PTPRN2: variants seen among roughly 807,000 people sequenced by gnomAD.
PTPRN2 encodes protein tyrosine phosphatase receptor type N2.
Under a neutral mutation model 118.8 loss-of-function variants are expected in PTPRN2, and 74 were observed. The observed-to-expected ratio is 0.62, with a 90% CI of 0.52 to 0.76. PTPRN2 has a LOEUF of 0.76. Among genes scored for constraint, PTPRN2 ranks in the 30% least tolerant of loss-of-function variants. The pLI is 0.00. For missense variants in PTPRN2, 1,481 were observed against 1,394.4 expected, an observed-to-expected ratio of 1.06 and a Z score of -0.99; for synonymous variants, 641 against 608.0, an observed-to-expected ratio of 1.05 and a Z score of -0.80.
Position 157,780,335 on chromosome 7 carries a change from T to C in PTPRN2, c.1789-97398A>G, listed in dbSNP as rs1046773329. On this transcript the variant is annotated intron_variant, in intron 12 of 22. Transcript: ENST00000389418. This position sits in a 1 kb window ranked among gnomAD's most constrained non-coding sequence, Gnocchi z 4.5. ...ATAGTGCACACTCTGAAGGTGAAGC[T>C]TTAGGTGACGTCGAAGCATCCAGCC... Among the ~76,000 whole-genome samples, 36 of 152,156 alleles carry C rather than the reference T, an allele frequency of 2.4e-4. No homozygotes were observed. The highest frequency in any genetic ancestry group is 2.0e-4 in the Admixed American group (3 of 15,278).
chr7:158,524,174 C>G (rs1181874139), intron 1 of PTPRN2, among the ~76,000 whole-genome samples: 8 of 58,638 alleles, frequency 1.4e-4, no homozygotes, highest in Admixed American at 1.2e-3. Context: ...GGAGTGGAGT[C>G]GTCTACCCTG....
chr7:158,567,063 G>C (rs553038899), intron 1 of PTPRN2, among the ~76,000 whole-genome samples: 6 of 152,372 alleles, frequency 3.9e-5, no homozygotes, highest in African/African-American at 1.4e-4. Context: ...CTCCAAAGGA[G>C]AAAGGATTTT....
At chr7:157,920,587 C>T (rs916555692) in intron 11 of PTPRN2, among the ~76,000 whole-genome samples, 10 of 152,306 alleles carry the variant, frequency 6.6e-5, no homozygotes, top group East Asian at 5.8e-4. Flanking sequence ...TGTGTTTTAT[C>T]AATACATTTT....
chr7:158,077,925 C>T (rs770508638), intron 11 of PTPRN2, among the ~76,000 whole-genome samples: 5 of 152,264 alleles, frequency 3.3e-5, no homozygotes, highest in African/African-American at 1.2e-4. Context: ...GGAGATTAAA[C>T]GTAGCTACCA....
Position 157,779,598 on chromosome 7 carries a change from A to G in PTPRN2, c.1789-96661T>C, listed in dbSNP as rs1372355641. 6.6e-6 allele frequency among the ~76,000 whole-genome samples: 1 copy of G among 152,124 alleles called. No homozygotes were observed. The highest frequency in any genetic ancestry group is 1.5e-5 in the Non-Finnish European group (1 of 68,028). ...TCTCCGGTGCTTGCCTTCTCTGTCT[A>G]AATAACTTGCTTCTCACCCTGCTGC... On this transcript the variant is annotated intron_variant, in intron 12 of 22. Coordinates refer to ENST00000389418, the MANE Select transcript of PTPRN2 (RefSeq NM_002847.5). The surrounding 1 kb of genome is among the most constrained non-coding windows in gnomAD (Gnocchi z 4.7).
rs1399316932 is a variant in PTPRN2, at chr7:158,438,069, T to G, written c.163+51666A>C. Among the ~76,000 whole-genome samples, 1 of 152,122 alleles carries G rather than the reference T, an allele frequency of 6.6e-6. No individual in the cohort carries two copies. Among genetic ancestry groups the G allele is most frequent in the South Asian group, 2.1e-4 (1 of 4,826 alleles). On this transcript the variant is annotated intron_variant, in intron 2 of 22. Transcript: ENST00000389418. This position sits in a 1 kb window ranked among gnomAD's most constrained non-coding sequence, Gnocchi z 4.7. Reference sequence around the variant, plus strand: ...GGAGTGGGCTCCCTAACAGTGCCCCTCCGATGGGTCTTTTTTAAGTTTTTT... The same window carrying G: ...GGAGTGGGCTCCCTAACAGTGCCCCGCCGATGGGTCTTTTTTAAGTTTTTT...
chr7:158,387,129 C>T (rs375223204), intron 2 of PTPRN2, among the ~76,000 whole-genome samples: 2 of 152,214 alleles, frequency 1.3e-5, no homozygotes, highest in South Asian at 4.1e-4. Context: ...GGACCCAGAT[C>T]CCCAGGAGGC....
intron 12 of PTPRN2, among the ~76,000 whole-genome samples, chr7:157,898,444 A>G (rs768129954): frequency 7.2e-5 from 11 of 152,200 alleles, no homozygotes; most frequent in Non-Finnish European, 1.5e-4. Flanking sequence ...TTGTGGGGAT[A>G]CTAAATCAGG....
chr7:157,799,650 G>C (rs142124116), intron 12 of PTPRN2, among the ~76,000 whole-genome samples: 1 of 152,084 alleles, frequency 6.6e-6, no homozygotes, highest in African/African-American at 2.4e-5. Flanking sequence ...AACTTTCTAA[G>C]TCACAATTTA....
intron 21 of PTPRN2, among the ~76,000 whole-genome samples, chr7:157,556,857 C>T (rs946204210): frequency 2.6e-5 from 4 of 151,214 alleles, no homozygotes; most frequent in Non-Finnish European, 4.4e-5. Context: ...TGCACACACT[C>T]ACACAACATA....
intron 10 of PTPRN2, among the ~76,000 whole-genome samples, chr7:158,083,033 T>A (rs1347947610): frequency 1.3e-5 from 2 of 152,212 alleles, no homozygotes; most frequent in Non-Finnish European, 2.9e-5. Context: ...TCATGAGTGC[T>A]GAGTTCTACC....
chr7:157,899,110 T>C (rs1232773704), intron 11 of PTPRN2, among the ~76,000 whole-genome samples: 1 of 152,260 alleles, frequency 6.6e-6, no homozygotes, highest in African/African-American at 2.4e-5. Flanking sequence ...CTGGGAAATA[T>C]GTTTCATTAA....
chr7:158,401,839 G>A (rs1322594964), intron 2 of PTPRN2, among the ~76,000 whole-genome samples: 2 of 152,162 alleles, frequency 1.3e-5, no homozygotes, highest in Non-Finnish European at 2.9e-5. Flanking sequence ...ACCAGCAGGT[G>A]CCCAGTGGAG....
chr7:158,375,333 C>T (rs1810415935), intron 2 of PTPRN2, among the ~76,000 whole-genome samples: 1 of 152,220 alleles, frequency 6.6e-6, no homozygotes, highest in African/African-American at 2.4e-5. Context: ...AGGACACAGG[C>T]ATAGTCCAGG....
At chr7:158,497,247 C>G (rs1027774579) in intron 1 of PTPRN2, among the ~76,000 whole-genome samples, 2 of 134,274 alleles carry the variant, frequency 1.5e-5, no homozygotes, top group Non-Finnish European at 3.2e-5. Flanking sequence ...CCCTGGGCTG[C>G]CAAGCAAGGG....
At position 158,166,976 on chromosome 7, in the gene PTPRN2, G is replaced by A. The variant is rs1823072758; in HGVS notation, c.865C>T (p.Pro289Ser). The A allele has an allele frequency of 1.4e-6, 2 of 1,454,644 alleles. No individual in the cohort carries two copies. The highest frequency in any genetic ancestry group is 1.9e-4 in the Middle Eastern group (1 of 5,378). 90.1% of individuals were successfully genotyped at this position (1,454,644 alleles called of 1,614,324 possible). A position where few individuals can be genotyped will look rare whatever the true frequency, so the allele number is the denominator to read the frequency against. ...TCTTCGGAATCTCCCAGAGGTGAAG[G>A]CCACTTCTGGGGGGCGGCTGGTGCC... ...LLAPAAPQKW[P>S]SPLGDSEDPS... The change falls in exon 6 of 23, where the codon CCT (proline) becomes TCT (serine). Residue 289 changes from proline to serine, a missense_variant. Pro to Ser is a moderately conservative substitution (Grantham distance 74). This residue lies in a region of PTPRN2 where 1,115 missense variants were observed against 994.2 expected (regional missense o/e 1.12). Coordinates refer to ENST00000389418, the MANE Select transcript of PTPRN2 (RefSeq NM_002847.5).
In PTPRN2 at chr7:157,785,756, T is replaced by C. The variant is rs1251709160; in HGVS notation, c.1789-102819A>G. Reference sequence around the variant, plus strand: ...GGGAGGGGAGAAGAATCGCGATCCTTTCCAGGTACACAGTCTAGCAGCTGC... The same window carrying C: ...GGGAGGGGAGAAGAATCGCGATCCTCTCCAGGTACACAGTCTAGCAGCTGC... On this transcript the variant is annotated intron_variant, in intron 12 of 22. Transcript: ENST00000389418. The surrounding 1 kb of genome is among the most constrained non-coding windows in gnomAD (Gnocchi z 7.3). Among the ~76,000 whole-genome samples the C allele has an allele frequency of 6.6e-6, 1 of 152,080 alleles. No homozygotes were observed. Among genetic ancestry groups the C allele is most frequent in the Non-Finnish European group, 1.5e-5 (1 of 68,004 alleles).
chr7:157,836,397 A>G (rs1002038803), intron 12 of PTPRN2, among the ~76,000 whole-genome samples: 3 of 152,356 alleles, frequency 2.0e-5, no homozygotes, highest in African/African-American at 7.2e-5. Context: ...TATCCTAAAG[A>G]AACAGTAAGC....
intron 11 of PTPRN2, among the ~76,000 whole-genome samples, chr7:158,045,941 A>C (rs1441257365): frequency 6.8e-6 from 1 of 147,570 alleles, no homozygotes; most frequent in Admixed American, 6.7e-5. Flanking sequence ...CCAGGAGCAG[A>C]ACCTGCGATC....
Sources: allele counts gnomAD v4.1 joint callset (sites outside exome capture counted in the v4.1 genomes callset), GRCh38; gene constraint gnomAD v4.1.1; regional missense constraint gnomAD v4.1.1; non-coding constraint Gnocchi (gnomAD v3.1); transcripts MANE v1.5; gene names NCBI Gene and HGNC (gene_info 2026-07-23, HGNC 2026-07-21).